Variants in MGAT5 observed in about 807,000 individuals in gnomAD.
MGAT5 encodes alpha-1,6-mannosylglycoprotein 6-beta-N-acetylglucosaminyltransferase.
MGAT5 carries 30 observed loss-of-function variants against 94.3 expected under a neutral mutation model. The observed-to-expected ratio is 0.32, with a 90% CI of 0.24 to 0.43. The LOEUF is 0.43. Among genes scored for constraint, MGAT5 ranks in the 20% least tolerant of loss-of-function variants. The probability of loss-of-function intolerance (pLI) is 1.00; values close to 1 mark genes in which losing one functional copy is unlikely to be tolerated. For synonymous variants in MGAT5, 310 were observed against 322.9 expected (o/e 0.96, Z 0.43); for missense variants, 691 against 905.5 (o/e 0.76, Z 3.04).
chr2:134,270,598 G>C, intron 2 of MGAT5, 48 bp downstream of exon 2: 1 of 1,587,072 alleles, frequency 6.3e-7, no homozygotes. Context: ...ACCCTGCTTT[G>C]GACCAAGAAG....
intron 1 of MGAT5, among the ~76,000 whole-genome samples, chr2:134,234,812 A>T (rs1681548959): frequency 6.6e-6 from 1 of 152,226 alleles, no homozygotes; most frequent in Non-Finnish European, 1.5e-5. Context: ...AGCAATTAGG[A>T]TAAAGTAACA....
chr2:134,258,592 G>A (rs1158285490), intron 1 of MGAT5, among the ~76,000 whole-genome samples: 1 of 152,170 alleles, frequency 6.6e-6, no homozygotes, highest in East Asian at 1.9e-4. Flanking sequence ...GATAGTCTCT[G>A]GGTGAGTCTC....
chr2:134,230,848 C>CACA (rs1681325048), intron 1 of MGAT5, among the ~76,000 whole-genome samples: 1 of 147,554 alleles, frequency 6.8e-6, no homozygotes, highest in Non-Finnish European at 1.5e-5. Context: ...ACACACACAC[C>CACA]CATCAAGTCA....
intron 2 of MGAT5, among the ~76,000 whole-genome samples, chr2:134,315,478 G>A (rs911015315): frequency 6.6e-6 from 1 of 152,166 alleles, no homozygotes; most frequent in Admixed American, 6.5e-5. Context: ...ATTTGTTTAG[G>A]GCTTCTGGAG....
At chr2:134,304,126 A>C (rs759326090) in intron 2 of MGAT5, among the ~76,000 whole-genome samples, 1 of 152,188 alleles carries the variant, frequency 6.6e-6, no homozygotes, top group Non-Finnish European at 1.5e-5. Context: ...TTACACAGGT[A>C]GTGTAGTTTA....
intron 1 of MGAT5, among the ~76,000 whole-genome samples, chr2:134,182,785 T>G (rs1688803989): frequency 7.1e-6 from 1 of 140,786 alleles, no homozygotes; most frequent in African/African-American, 2.7e-5. Context: ...GATTAGTTTT[T>G]TTTTTTTTTT....
intron 1 of MGAT5, among the ~76,000 whole-genome samples, chr2:134,176,572 T>TAAAAAAAAAAAAA (rs66689362): frequency 1.3e-4 from 11 of 83,312 alleles, no homozygotes; most frequent in African/African-American, 4.3e-4. Flanking sequence ...GACTCTGTCT[T>TAAAAAAAAAAAAA]AAAAAAAAAA....
At chr2:134,120,996 C>T (rs1185035436) in intron 1 of MGAT5, among the ~76,000 whole-genome samples, 2 of 152,074 alleles carry the variant, frequency 1.3e-5, no homozygotes, top group South Asian at 2.1e-4. Context: ...CGCGCACACA[C>T]TCCCCGAGAG....
At chr2:134,341,890 T>C (rs941280909) in intron 7 of MGAT5, 131 bp downstream of exon 7, 1 of 709,466 alleles carries the variant, frequency 1.4e-6, no homozygotes, top group Non-Finnish European at 2.2e-6. Flanking sequence ...AAACAGGAGA[T>C]AAGAAGATTA....
intron 13 of MGAT5, among the ~76,000 whole-genome samples, chr2:134,425,688 T>C (rs3791315): frequency 0.056 from 8,479 of 152,222 alleles, 290 homozygotes; most frequent in South Asian, 0.13. Flanking sequence ...TCATGGAGGC[T>C]GATCTCTAAA....
intron 1 of MGAT5, among the ~76,000 whole-genome samples, chr2:134,203,632 GT>G (rs940664184): frequency 7.6e-4 from 115 of 152,162 alleles, no homozygotes; most frequent in African/African-American, 2.6e-3. Context: ...CAACTCCTTG[GT>G]GCTTGTGACC....
intron 10 of MGAT5, among the ~76,000 whole-genome samples, chr2:134,363,188 C>T (rs1040989715): frequency 6.6e-6 from 1 of 152,158 alleles, no homozygotes; most frequent in African/African-American, 2.4e-5. Flanking sequence ...CATGCCTCTT[C>T]CTAAATGTAA....
chr2:134,428,924 A>G (rs1353290363), intron 14 of MGAT5, among the ~76,000 whole-genome samples: 1 of 152,258 alleles, frequency 6.6e-6, no homozygotes, highest in Non-Finnish European at 1.5e-5. Context: ...AAGCAGGACA[A>G]AGCCAAGGAG....
rs767579391 is a variant in MGAT5, at chr2:134,270,481, G to A, written c.337G>A (p.Gly113Arg). 6.8e-6 allele frequency: 11 copies of A among 1,614,068 alleles called. No homozygotes were observed. Among genetic ancestry groups the A allele is most frequent in the South Asian group, 1.1e-5 (1 of 91,086 alleles). ...KVDNLVVNGT[G>R]TNSTNSTTAV... ...GGACAATCTTGTTGTCAATGGCACC[G>A]GAACAAACTCAACCAACTCCACTAC... The change falls in exon 2 of 16, where the codon GGA (glycine) becomes AGA (arginine). Residue 113 changes from glycine to arginine, a missense_variant. By Grantham distance (125) the Gly-to-Arg change is moderately radical. Transcript: ENST00000281923.
At chr2:134,424,673 G>T (rs1684480170) in intron 13 of MGAT5, among the ~76,000 whole-genome samples, 1 of 152,190 alleles carries the variant, frequency 6.6e-6, no homozygotes, top group Non-Finnish European at 1.5e-5. Flanking sequence ...CAACTGAGTG[G>T]CTTAAAACAG....
In MGAT5 at chr2:134,135,997, T is replaced by C. The variant is rs116362381; in HGVS notation, c.-143+15706T>C. ...CCTGTGAACTTGCATGGGAAAATAT[T>C]ACACTTTCATTTTCCCTAACTTCTA... On this transcript the variant is annotated intron_variant, in intron 1 of 16. Transcript: ENST00000409645. Among the ~76,000 whole-genome samples, 350 of 152,370 alleles carry C rather than the reference T, an allele frequency of 2.3e-3. 3 individuals carry two copies. The highest frequency in any genetic ancestry group is 8.1e-3 in the African/African-American group (336 of 41,586).
chr2:134,389,507 A>G (rs961939546), intron 10 of MGAT5, among the ~76,000 whole-genome samples: 1 of 152,100 alleles, frequency 6.6e-6, no homozygotes, highest in Admixed American at 6.5e-5. Context: ...GTGCTACTCC[A>G]TATGCTTTCC....
intron 1 of MGAT5, among the ~76,000 whole-genome samples, chr2:134,125,003 T>C (rs1225829522): frequency 6.6e-6 from 1 of 152,204 alleles, no homozygotes; most frequent in Non-Finnish European, 1.5e-5. Context: ...AGAAAAGTCT[T>C]CCACTCTATT....
Position 134,387,324 on chromosome 2 carries a change from ATATATATATTTT to A in MGAT5, c.1381-15662_1381-15651del, listed in dbSNP as rs1186151572. On this transcript the variant is annotated intron_variant, in intron 10 of 15. Coordinates refer to ENST00000281923, the MANE Select transcript of MGAT5 (RefSeq NM_002410.5). Reference sequence around the variant, plus strand: ...ATGATATATATATATATATATATATATATATATATTTTTTTTTTTTTTTTTTTTTACCAAACC... The same window carrying A: ...ATGATATATATATATATATATATATATTTTTTTTTTTTTTTTTACCAAACC... Among the ~76,000 whole-genome samples, 50 of 41,122 alleles carry A rather than the reference ATATATATATTTT, an allele frequency of 1.2e-3. 2 individuals are homozygous for A. Among genetic ancestry groups the A allele is most frequent in the African/African-American group, 5.6e-3 (45 of 8,106 alleles). The allele number at this position is 41,122 out of a possible 152,430, so 27.0% of individuals were successfully genotyped here.
Sources: allele counts gnomAD v4.1 joint callset (sites outside exome capture counted in the v4.1 genomes callset), GRCh38; gene constraint gnomAD v4.1.1; transcripts MANE v1.5; gene names NCBI Gene and HGNC (gene_info 2026-07-23, HGNC 2026-07-21).